The following ARB2A variants were observed in gnomAD, a reference collection of about 807,000 sequenced individuals.
The protein encoded by ARB2A is cotranscriptional regulator ARB2A.
the ARB2A span, among the ~76,000 whole-genome samples, chr5:94,089,957 T>A: frequency 3.3e-5 from 5 of 152,202 alleles, no homozygotes; most frequent in Middle Eastern, 3.4e-3. Context: ...AACTCAAGAA[T>A]CTTACTATGA....
the ARB2A span, among the ~76,000 whole-genome samples, chr5:94,057,578 C>A: frequency 2.0e-5 from 3 of 152,058 alleles, no homozygotes; most frequent in Non-Finnish European, 4.4e-5. Flanking sequence ...AAGAAAGTAC[C>A]ATTTGGCATC....
chr5:93,619,580 GCA>G, the ARB2A span: 1 of 152,092 alleles, frequency 6.6e-6, no homozygotes, highest in Non-Finnish European at 1.5e-5. Context: ...ATTAATTGTT[GCA>G]CACACTTTAA....
the ARB2A span, among the ~76,000 whole-genome samples, chr5:93,631,541 C>T: frequency 6.6e-6 from 1 of 152,082 alleles, no homozygotes; most frequent in African/African-American, 2.4e-5. Flanking sequence ...CAGAAGTAAA[C>T]AAGGGAATCA....
the ARB2A span, among the ~76,000 whole-genome samples, chr5:93,840,849 G>T: frequency 6.6e-6 from 1 of 152,098 alleles, no homozygotes; most frequent in African/African-American, 2.4e-5. Context: ...GAACTTCTAT[G>T]CTATACTAAC....
the ARB2A span, among the ~76,000 whole-genome samples, chr5:93,935,323 G>C: frequency 6.6e-6 from 1 of 152,174 alleles, no homozygotes; most frequent in African/African-American, 2.4e-5. Context: ...AGCAGGAAAA[G>C]CTTCCTTGAT....
chr5:93,938,513 A>AT, the ARB2A span, among the ~76,000 whole-genome samples: 1 of 152,232 alleles, frequency 6.6e-6, no homozygotes, highest in East Asian at 1.9e-4. Flanking sequence ...ACACAACCTT[A>AT]TTTTTTTGTC....
At chr5:93,871,706 C>T in the ARB2A span, among the ~76,000 whole-genome samples, 1 of 152,050 alleles carries the variant, frequency 6.6e-6, no homozygotes, top group Non-Finnish European at 1.5e-5. Flanking sequence ...AGTTATTTCT[C>T]ATAAAATGCT....
the ARB2A span, among the ~76,000 whole-genome samples, chr5:93,887,429 C>T: frequency 1.3e-5 from 2 of 151,710 alleles, no homozygotes; most frequent in Non-Finnish European, 2.9e-5. Context: ...CTGAATATAA[C>T]TTTTCTTGAC....
At chr5:93,938,890 A>G in the ARB2A span, among the ~76,000 whole-genome samples, 5 of 152,332 alleles carry the variant, frequency 3.3e-5, no homozygotes, top group African/African-American at 1.2e-4. Flanking sequence ...AAAAAGCAAT[A>G]CTTTTTAAGC....
At chr5:93,865,985 C>T in the ARB2A span, 1 of 985,394 alleles carries the variant, frequency 1.0e-6, no homozygotes, top group Non-Finnish European at 1.2e-6. Flanking sequence ...ATTATGTCCC[C>T]TTAAGAGTTA....
chr5:93,853,475 C>G, the ARB2A span, among the ~76,000 whole-genome samples: 2 of 152,112 alleles, frequency 1.3e-5, no homozygotes, highest in Admixed American at 6.5e-5. Flanking sequence ...ATTGCCCTGG[C>G]CAGAACTTCC....
At chr5:93,786,955 A>G in the ARB2A span, among the ~76,000 whole-genome samples, 5 of 152,232 alleles carry the variant, frequency 3.3e-5, no homozygotes, top group Admixed American at 6.5e-5. Flanking sequence ...ACAGAAGACC[A>G]TAATAGTCTG....
At chr5:94,014,769 G>A in the ARB2A span, among the ~76,000 whole-genome samples, 1 of 151,014 alleles carries the variant, frequency 6.6e-6, no homozygotes. Context: ...ACTCATTAGG[G>A]GCTATCAACA....
chr5:93,837,815 A>G, the ARB2A span, among the ~76,000 whole-genome samples: 1 of 152,064 alleles, frequency 6.6e-6, no homozygotes, highest in African/African-American at 2.4e-5. Context: ...GCTTCTTTTG[A>G]AAAGTGTTCA....
the ARB2A span, chr5:93,958,716 A>C: frequency 8.4e-7 from 1 of 1,193,348 alleles, no homozygotes; most frequent in Admixed American, 2.7e-5. Flanking sequence ...GAAACATAAA[A>C]ACATATAATA....
At chr5:93,877,889 G>A in the ARB2A span, among the ~76,000 whole-genome samples, 2 of 152,132 alleles carry the variant, frequency 1.3e-5, no homozygotes, top group East Asian at 1.9e-4. Flanking sequence ...AACCCCAGCA[G>A]CCTGGCTGTA....
chr5:94,022,439 G>A, the ARB2A span, among the ~76,000 whole-genome samples: 1 of 152,140 alleles, frequency 6.6e-6, no homozygotes, highest in Non-Finnish European at 1.5e-5. Flanking sequence ...TAGGGTAAAG[G>A]CTCTGCACAT....
chr5:93,775,751 AT>A, the ARB2A span, among the ~76,000 whole-genome samples: 3 of 152,218 alleles, frequency 2.0e-5, no homozygotes, highest in African/African-American at 7.2e-5. Context: ...TGCATGAAGT[AT>A]TTTTTTCTAA....
chr5:93,866,211 T>C, the ARB2A span: 1 of 985,292 alleles, frequency 1.0e-6, no homozygotes, highest in South Asian at 4.7e-5. Flanking sequence ...GAGGGAATTT[T>C]TTCACTCTCC....
Sources: gnomAD v4.1 joint callset for allele counts (sites outside exome capture counted in the v4.1 genomes callset) on GRCh38, gnomAD v4.1.1 for gene constraint, MANE v1.5 for transcripts, NCBI Gene and HGNC (gene_info 2026-07-23, HGNC 2026-07-21) for gene names.